Variants in PKN2 observed in about 807,000 individuals in gnomAD.
PKN2 encodes the protein serine/threonine-protein kinase N2.
PKN2 carries 38 observed loss-of-function variants against 119.1 expected under a neutral mutation model. The observed-to-expected ratio is 0.32, with a 90% CI of 0.25 to 0.42. The LOEUF (loss-of-function observed/expected upper bound fraction) is 0.42, where lower values mean the gene tolerates loss of function less well. Ranked by LOEUF, PKN2 falls within the 10% of genes least tolerant of loss-of-function variation. The probability of loss-of-function intolerance (pLI) is 1.00; values close to 1 mark genes in which losing one functional copy is unlikely to be tolerated. For synonymous variants in PKN2, 390 were observed against 384.9 expected, an observed-to-expected ratio of 1.01 and a Z score of -0.15; for missense variants, 850 against 1,165.1, an observed-to-expected ratio of 0.73 and a Z score of 3.94.
chr1:88,793,453 C>T (rs561068608), intron 8 of PKN2, among the ~76,000 whole-genome samples: 1 of 152,172 alleles, frequency 6.6e-6, no homozygotes, highest in East Asian at 1.9e-4. Flanking sequence ...ACATTTCAAA[C>T]TTGTATTGTT....
At chr1:88,694,792 T>G (rs1366490167) in intron 1 of PKN2, among the ~76,000 whole-genome samples, 1 of 152,214 alleles carries the variant, frequency 6.6e-6, no homozygotes, top group Non-Finnish European at 1.5e-5. Context: ...TGGATTTTGG[T>G]CATTCTAATA....
chr1:88,806,134 G>GGTTTTTTGTTT, intron 12 of PKN2, 117 bp downstream of exon 12: 1 of 922,592 alleles, frequency 1.1e-6, no homozygotes, highest in Non-Finnish European at 1.7e-6. Flanking sequence ...GTGAATTTAT[G>GGTTTTTTGTTT]GTTTTTTGTT....
intron 12 of PKN2, among the ~76,000 whole-genome samples, chr1:88,806,621 A>G (rs1377114646): frequency 6.6e-6 from 1 of 152,224 alleles, no homozygotes; most frequent in East Asian, 1.9e-4. Context: ...TAGAGGTAAT[A>G]TAGGAGTGTG....
At chr1:88,832,241 C>T (rs17130630) in intron 19 of PKN2, among the ~76,000 whole-genome samples, 1,733 of 151,956 alleles carry the variant, frequency 0.011, 32 homozygotes, top group African/African-American at 0.04. Flanking sequence ...GATGTATTTC[C>T]GCAGATTGCC....
chr1:88,702,310 T>C (rs1043843575), intron 1 of PKN2, among the ~76,000 whole-genome samples: 10 of 152,150 alleles, frequency 6.6e-5, no homozygotes, highest in African/African-American at 2.2e-4. Flanking sequence ...GTTGGAATTT[T>C]CTAAGAGGAA....
At chr1:88,774,545 G>A (rs1670012891) in intron 6 of PKN2, among the ~76,000 whole-genome samples, 2 of 152,004 alleles carry the variant, frequency 1.3e-5, no homozygotes, top group Admixed American at 1.3e-4. Context: ...AGACTTAGAG[G>A]CTGTCTTCCA....
At chr1:88,693,372 C>T (rs1018562364) in intron 1 of PKN2, among the ~76,000 whole-genome samples, 1 of 152,130 alleles carries the variant, frequency 6.6e-6, no homozygotes, top group Non-Finnish European at 1.5e-5. Flanking sequence ...CAGTTTTTGT[C>T]ATTGCTGTGC....
intron 2 of PKN2, among the ~76,000 whole-genome samples, chr1:88,744,367 A>C (rs772670061): frequency 6.6e-6 from 1 of 152,268 alleles, no homozygotes; most frequent in South Asian, 2.1e-4. Context: ...AAGAGGGACA[A>C]AATTTAAGTC....
At chr1:88,815,570 A>G (rs1671952670) in intron 16 of PKN2, 1 of 169,614 alleles carries the variant, frequency 5.9e-6, no homozygotes. Context: ...CTAAAAGAAT[A>G]CCTGGAACAT....
rs552001809 is a variant in PKN2, at chr1:88,728,454, T to C, written c.49-12534T>C. The stretch of plus-strand genomic sequence containing the variant: ...CTTTGCTGTTATCAAAATTTTTAAT[T>C]GTGGTTTGCTTATCTAATGTCTTTC... On this transcript the variant is annotated intron_variant, in intron 1 of 21. Transcript: ENST00000370521. 7.2e-5 allele frequency among the ~76,000 whole-genome samples: 11 copies of C among 152,324 alleles called. 1 individual carries two copies. In the South Asian group the frequency reaches 2.3e-3, roughly 32 times the overall value.
intron 1 of PKN2, among the ~76,000 whole-genome samples, chr1:88,687,086 A>G (rs1033116410): frequency 6.6e-6 from 1 of 152,064 alleles, no homozygotes; most frequent in Non-Finnish European, 1.5e-5. Flanking sequence ...CCAGCTTTTC[A>G]TTATTTTTTC....
intron 16 of PKN2, among the ~76,000 whole-genome samples, chr1:88,820,180 C>CTATATATATA (rs397980752): frequency 4.0e-4 from 28 of 70,704 alleles, no homozygotes; most frequent in African/African-American, 7.2e-4. Context: ...TTTCAGAAAC[C>CTATATATATA]TATATATATA....
Position 88,770,401 on chromosome 1 carries a change from C to T in PKN2, c.554C>T (p.Thr185Ile), listed in dbSNP as rs202004408. 6.2e-7 allele frequency: 1 copy of T among 1,613,440 alleles called. No homozygotes were observed. Among genetic ancestry groups the T allele is most frequent in the Non-Finnish European group, 8.5e-7 (1 of 1,179,606 alleles). ...CAGCAACTGCTCCAGGACAGCAAGA[C>T]AAAAATAGAAGTCATACGAATGCAG... is the stretch of plus-strand genomic sequence containing the variant. ...TAQQLLQDSK[T>I]KIEVIRMQIL... is the part of the protein sequence containing the mutation. The change falls in exon 4 of 22, where the codon ACA (threonine) becomes ATA (isoleucine). Residue 185 changes from threonine to isoleucine, a missense_variant. By Grantham distance (89) the Thr-to-Ile change is moderately conservative (BLOSUM62 -1). This residue lies in a region of PKN2 where 350 missense variants were observed against 511.1 expected (regional missense o/e 0.68). Coordinates refer to ENST00000370521, the MANE Select transcript of PKN2 (RefSeq NM_006256.4).
chr1:88,752,017 T>G (rs183923224), intron 2 of PKN2, among the ~76,000 whole-genome samples: 12 of 152,240 alleles, frequency 7.9e-5, no homozygotes, highest in Admixed American at 3.9e-4. Flanking sequence ...GGCGTAGATT[T>G]CGTTTCATTT....
At chr1:88,712,579 T>G (rs971037407) in intron 1 of PKN2, among the ~76,000 whole-genome samples, 5 of 152,168 alleles carry the variant, frequency 3.3e-5, no homozygotes, top group Non-Finnish European at 7.4e-5. Flanking sequence ...TGTAATGATG[T>G]ATGTGATTCT....
At chr1:88,804,818 A>T in intron 9 of PKN2, 28 bp from the exon 10 acceptor site, 1 of 1,225,336 alleles carries the variant, frequency 8.2e-7, no homozygotes, top group Non-Finnish European at 1.2e-6. Flanking sequence ...TGCTATTTTC[A>T]TGTCAACTTG....
chr1:88,771,732 A>C lies in PKN2; in HGVS notation c.838A>C (p.Asn280His), dbSNP rs776187067. Residue 280 changes from asparagine to histidine, a missense_variant, in exon 6 of 22, where the codon AAC becomes CAC. Around this residue, in one of 9 missense-constraint regions of PKN2, gnomAD observed 350 missense variants for 511.1 expected, o/e 0.68. Coordinates refer to ENST00000370521, the MANE Select transcript of PKN2 (RefSeq NM_006256.4). The stretch of plus-strand genomic sequence containing the variant: ...AAAGTATTCATTAGAGCAAAGATTA[A>C]ACGAAGTCCCCAAGAATCATCCCAA... ...LLKYSLEQRL[N>H]EVPKNHPKSR... 6.2e-6 allele frequency: 10 copies of C among 1,614,018 alleles called. No homozygotes were observed. Among genetic ancestry groups the C allele is most frequent in the Non-Finnish European group, 8.5e-6 (10 of 1,179,944 alleles).
Position 88,732,330 on chromosome 1 carries a change from T to C in PKN2, c.49-8658T>C, listed in dbSNP as rs1668172705. Among the ~76,000 whole-genome samples the C allele has an allele frequency of 3.3e-5, 5 of 152,286 alleles. No individual in the cohort carries two copies. The South Asian group carries it at 1.0e-3, about 32-fold the overall frequency. ...ACATGGAAAACTTTGAAAAATAAAA[T>C]GGAAATCCCTCTTAATTTATCTTTC... On this transcript the variant is annotated intron_variant, in intron 1 of 21. Transcript: ENST00000370521.
At chr1:88,750,283 A>C (rs1211598483) in intron 2 of PKN2, among the ~76,000 whole-genome samples, 1 of 152,196 alleles carries the variant, frequency 6.6e-6, no homozygotes, top group African/African-American at 2.4e-5. Context: ...TCTCCAACAC[A>C]ATCAAGGAAT....
Sources: allele counts gnomAD v4.1 joint callset (sites outside exome capture counted in the v4.1 genomes callset), GRCh38; gene constraint gnomAD v4.1.1; regional missense constraint gnomAD v4.1.1; transcripts MANE v1.5; gene names NCBI Gene and HGNC (gene_info 2026-07-23, HGNC 2026-07-21).